Variants in PRKCI observed in about 807,000 individuals in gnomAD.
PRKCI encodes protein kinase C iota.
A neutral mutation model predicts 84.0 loss-of-function variants in PRKCI; 43 were observed. That is an observed-to-expected ratio of 0.51 (90% CI 0.40 to 0.66). The LOEUF (loss-of-function observed/expected upper bound fraction) is 0.66. Among genes scored for constraint, PRKCI ranks in the 30% least tolerant of loss-of-function variants. The pLI is 0.00. For missense variants in PRKCI, 459 were observed against 745.6 expected (o/e 0.62, Z 4.48); for synonymous variants, 216 against 234.4 (o/e 0.92, Z 0.72).
rs577638445 is a variant in PRKCI at position 170,264,705 on chromosome 3, C to T, written c.364+1276C>T. 8.5e-5 allele frequency among the ~76,000 whole-genome samples: 13 copies of T among 152,262 alleles called. No homozygotes were observed. The South Asian group carries it at 2.1e-3, about 24-fold the overall frequency. ...TAACCAACCAGAGTCCACAGTGGAA[C>T]GGTGATTCTTACCCTTGGACACATT... On this transcript the variant is annotated intron_variant, in intron 4 of 17. Transcript: ENST00000295797.
rs779686819 is a variant in PRKCI at position 170,281,238 on chromosome 3, C to T, written c.955C>T (p.His319Tyr). The T allele has an allele frequency of 3.1e-6, 5 of 1,613,806 alleles. No homozygotes were observed. The highest frequency in any genetic ancestry group is 4.2e-6 in the Non-Finnish European group (5 of 1,179,906). The change falls in exon 10 of 18, where the codon CAT (histidine) becomes TAT (tyrosine). Residue 319 changes from histidine to tyrosine, a missense_variant. Physicochemically the swap from His to Tyr is moderately conservative, Grantham distance 83 (BLOSUM62 2). Transcript: ENST00000295797. Reference sequence around the variant, plus strand: ...CAATCATCCTTTCCTTGTTGGGCTGCATTCTTGCTTTCAGACAGAAAGCAG... The same window carrying T: ...CAATCATCCTTTCCTTGTTGGGCTGTATTCTTGCTTTCAGACAGAAAGCAG... ...ASNHPFLVGL[H>Y]SCFQTESRLF...
At chr3:170,233,231 A>ATTTTTTT (rs1553835328) in intron 1 of PRKCI, among the ~76,000 whole-genome samples, 1 of 143,526 alleles carries the variant, frequency 7.0e-6, no homozygotes, top group African/African-American at 2.7e-5. Flanking sequence ...TTGGGGGTTT[A>ATTTTTTT]TTTTTAAAAG....
chr3:170,232,083 A>G (rs547965063), intron 1 of PRKCI, among the ~76,000 whole-genome samples: 2 of 151,546 alleles, frequency 1.3e-5, no homozygotes, highest in Non-Finnish European at 2.9e-5. Flanking sequence ...GCACATTTCT[A>G]CTCTGTCACC....
intron 2 of PRKCI, among the ~76,000 whole-genome samples, chr3:170,239,510 G>A (rs982858738): frequency 6.6e-6 from 1 of 152,118 alleles, no homozygotes; most frequent in African/African-American, 2.4e-5. Flanking sequence ...GCACACATAG[G>A]CATCACTGGA....
chr3:170,228,753 T>G (rs1732705528), intron 1 of PRKCI, among the ~76,000 whole-genome samples: 2 of 152,286 alleles, frequency 1.3e-5, no homozygotes, highest in African/African-American at 4.8e-5. Flanking sequence ...TTTCTTTCTT[T>G]CTTACATGTT....
At chr3:170,254,971 CT>C (rs35938677) in intron 2 of PRKCI, among the ~76,000 whole-genome samples, 30,533 of 116,090 alleles carry the variant, frequency 0.26, 3,585 homozygotes, top group African/African-American at 0.36. Flanking sequence ...AATATCTTTC[CT>C]TTTTTTTTTT....
intron 1 of PRKCI, among the ~76,000 whole-genome samples, chr3:170,231,870 A>G (rs1732802937): frequency 6.6e-6 from 1 of 152,214 alleles, no homozygotes. Flanking sequence ...TCAATTAAAG[A>G]AAAAAGCTTT....
At chr3:170,260,876 G>A (rs894145684) in intron 3 of PRKCI, among the ~76,000 whole-genome samples, 1 of 152,170 alleles carries the variant, frequency 6.6e-6, no homozygotes, top group African/African-American at 2.4e-5. Flanking sequence ...TGTAGACCTG[G>A]ATTGTGAATC....
chr3:170,270,815 G>A (rs1191076453), intron 6 of PRKCI, among the ~76,000 whole-genome samples: 2 of 151,958 alleles, frequency 1.3e-5, no homozygotes, highest in African/African-American at 2.4e-5. Flanking sequence ...TCTAAATTAG[G>A]AAGCTATAGA....
At chr3:170,277,680 C>T (rs1241877478) in intron 8 of PRKCI, among the ~76,000 whole-genome samples, 2 of 144,942 alleles carry the variant, frequency 1.4e-5, no homozygotes, top group East Asian at 2.0e-4. Context: ...GGCGAAAGAG[C>T]GAGACTCCGT....
intron 11 of PRKCI, 145 bp from the exon 12 acceptor site, chr3:170,284,316 T>G (rs1254921301): frequency 1.6e-6 from 1 of 638,746 alleles, no homozygotes; most frequent in Non-Finnish European, 2.6e-6. Context: ...TGTTTTAAAG[T>G]GGTACTTCAG....
At chr3:170,232,056 C>CTT (rs906261617) in intron 1 of PRKCI, among the ~76,000 whole-genome samples, 10 of 145,110 alleles carry the variant, frequency 6.9e-5, no homozygotes, top group African/African-American at 2.3e-4. Flanking sequence ...GTATTTTGCA[C>CTT]TTTTTTTTTT....
chr3:170,259,925 T>C (rs779613902), intron 2 of PRKCI, 44 bp from the exon 3 acceptor site: 2 of 1,187,790 alleles, frequency 1.7e-6, no homozygotes, highest in Non-Finnish European at 2.4e-6. Context: ...TCATCACATT[T>C]AGGGGTTTTA....
intron 2 of PRKCI, among the ~76,000 whole-genome samples, chr3:170,247,010 C>G (rs1378638613): frequency 1.3e-5 from 2 of 152,002 alleles, no homozygotes; most frequent in Non-Finnish European, 2.9e-5. Flanking sequence ...GTTTCTGATG[C>G]AAAATCTGCT....
Position 170,270,332 on chromosome 3 carries a change from C to T in PRKCI, c.451-89C>T, listed in dbSNP as rs144286843. On this transcript the variant is annotated intron_variant, in intron 5 of 17. Transcript: ENST00000295797. ...TTTGTTGTGGGCTGACAGTTGACACCGTGACAAAGGGAATTGAGTCAGCAA... is the reference window on the plus strand; with the variant it reads ...TTTGTTGTGGGCTGACAGTTGACACTGTGACAAAGGGAATTGAGTCAGCAA... The T allele has an allele frequency of 1.6e-4, 201 of 1,279,436 alleles. No homozygotes were observed. The African/African-American group carries it at 1.7e-3, about 11-fold the overall frequency. The allele number at this position is 1,279,436 out of a possible 1,614,324, so 79.3% of individuals were successfully genotyped here.
intron 12 of PRKCI, 24 bp from the exon 13 acceptor site, chr3:170,291,830 T>C (rs748370067): frequency 6.4e-7 from 1 of 1,550,510 alleles, no homozygotes; most frequent in Non-Finnish European, 8.9e-7. Context: ...TCTCATTCTT[T>C]CTTTCTGTTC....
At position 170,256,411 on chromosome 3, in the gene PRKCI, G is replaced by T. The variant is rs368927085; in HGVS notation, c.224-3558G>T. 3.4e-4 allele frequency among the ~76,000 whole-genome samples: 52 copies of T among 152,238 alleles called. 1 individual carries two copies. Among genetic ancestry groups the T allele is most frequent in the African/African-American group, 1.2e-3 (49 of 41,548 alleles). ...GGTTCAATCTTGGTAGGTTGTATGT[G>T]TCTAGGAATTTATCCATTTCTTCTA... On this transcript the variant is annotated intron_variant, in intron 2 of 17. Transcript: ENST00000295797.
intron 15 of PRKCI, among the ~76,000 whole-genome samples, chr3:170,296,410 G>A (rs546227677): frequency 2.8e-4 from 43 of 152,246 alleles, no homozygotes; most frequent in Admixed American, 1.0e-3. Context: ...AAATTCTCAT[G>A]TCAAAAATGC....
chr3:170,299,708 A>G (rs892479698), intron 17 of PRKCI, among the ~76,000 whole-genome samples: 6 of 152,212 alleles, frequency 3.9e-5, no homozygotes, highest in African/African-American at 1.4e-4. Context: ...AGGCTCAGAG[A>G]GGTTAAGCAA....
Sources: gnomAD v4.1 joint callset for allele counts (sites outside exome capture counted in the v4.1 genomes callset) on GRCh38, gnomAD v4.1.1 for gene constraint, MANE v1.5 for transcripts, NCBI Gene and HGNC (gene_info 2026-07-23, HGNC 2026-07-21) for gene names.